Variants in LRRIQ3 observed in about 807,000 individuals in gnomAD.
LRRIQ3 encodes leucine-rich repeat and IQ domain-containing protein 3.
A neutral mutation model predicts 59.3 loss-of-function variants in LRRIQ3; 75 were observed. The observed-to-expected ratio is 1.26, with a 90% CI of 1.05 to 1.53. LRRIQ3 has a LOEUF of 1.53. LRRIQ3 is among the 40% of genes most tolerant of loss of function. The pLI is 0.00. For synonymous variants in LRRIQ3, 250 were observed against 231.3 expected, an observed-to-expected ratio of 1.08 and a Z score of -0.73; for missense variants, 831 against 710.0, an observed-to-expected ratio of 1.17 and a Z score of -1.94.
intron 1 of LRRIQ3, among the ~76,000 whole-genome samples, chr1:74,191,359 G>A (rs1462008389): frequency 6.6e-6 from 1 of 152,128 alleles, no homozygotes; most frequent in Non-Finnish European, 1.5e-5. Flanking sequence ...AAGAAAGAGT[G>A]TTGGGAAAGG....
At chr1:74,097,742 G>C (rs1287882424) in intron 5 of LRRIQ3, among the ~76,000 whole-genome samples, 1 of 152,134 alleles carries the variant, frequency 6.6e-6, no homozygotes, top group Non-Finnish European at 1.5e-5. Context: ...GAGAGTAGGG[G>C]CCAATATTCA....
At chr1:74,045,807 T>C (rs1408619278) in intron 6 of LRRIQ3, among the ~76,000 whole-genome samples, 1 of 152,050 alleles carries the variant, frequency 6.6e-6, no homozygotes, top group African/African-American at 2.4e-5. Flanking sequence ...AGTACTCCTA[T>C]ATACCAATAA....
At chr1:74,156,145 G>C (rs1329099439) in intron 3 of LRRIQ3, among the ~76,000 whole-genome samples, 1 of 152,056 alleles carries the variant, frequency 6.6e-6, no homozygotes, top group African/African-American at 2.4e-5. Flanking sequence ...TTGATGATGA[G>C]TGAACTTCTT....
At chr1:74,060,230 C>G (rs1419980800) in intron 6 of LRRIQ3, among the ~76,000 whole-genome samples, 19 of 145,982 alleles carry the variant, frequency 1.3e-4, no homozygotes, top group African/African-American at 4.4e-4. Context: ...TGTTCTTCTT[C>G]TTCTTCTTCT....
rs781415916 is a variant in LRRIQ3 at position 74,183,698 on chromosome 1, G to T, written c.1-14C>A. ...TCCATGAAACATCTAGGAAAGATAA[G>T]AAAGTGCTTTGATTTTTTTTTCCAC... On this transcript the variant is annotated splice_polypyrimidine_tract_variant and intron_variant, in intron 1 of 7. Coordinates refer to ENST00000354431, the MANE Select transcript of LRRIQ3 (RefSeq NM_001105659.2). The T allele has an allele frequency of 7.0e-7, 1 of 1,433,312 alleles. No homozygotes were observed. The highest frequency in any genetic ancestry group is 9.2e-7 in the Non-Finnish European group (1 of 1,086,064). The allele number at this position is 1,433,312 out of a possible 1,614,324, so 88.8% of individuals were successfully genotyped here.
At chr1:74,038,541 C>G (rs927591811) in intron 7 of LRRIQ3, among the ~76,000 whole-genome samples, 1 of 152,140 alleles carries the variant, frequency 6.6e-6, no homozygotes, top group African/African-American at 2.4e-5. Context: ...GTCAGACACC[C>G]TATACATGAG....
chr1:74,118,253 T>C (rs1646804022), intron 4 of LRRIQ3, among the ~76,000 whole-genome samples: 1 of 152,122 alleles, frequency 6.6e-6, no homozygotes, highest in Non-Finnish European at 1.5e-5. Context: ...TACCCATACA[T>C]TTGGTTCCAC....
intron 3 of LRRIQ3, chr1:74,181,908 T>C (rs1385600952): frequency 5.9e-5 from 9 of 151,812 alleles, no homozygotes. Flanking sequence ...CTTTAGAACA[T>C]ATTACAAACA....
intron 3 of LRRIQ3, among the ~76,000 whole-genome samples, chr1:74,169,204 T>C (rs1291716651): frequency 6.6e-6 from 1 of 152,180 alleles, no homozygotes; most frequent in Non-Finnish European, 1.5e-5. Context: ...CTGTTTCACC[T>C]TGCAGAGTAT....
At chr1:74,092,367 G>T (rs1646404177) in intron 5 of LRRIQ3, among the ~76,000 whole-genome samples, 1 of 152,016 alleles carries the variant, frequency 6.6e-6, no homozygotes, top group Non-Finnish European at 1.5e-5. Flanking sequence ...TAAACTGATA[G>T]CAATATGGTA....
intron 3 of LRRIQ3, among the ~76,000 whole-genome samples, chr1:74,176,009 T>C (rs1010332863): frequency 2.6e-5 from 4 of 152,202 alleles, no homozygotes; most frequent in Non-Finnish European, 5.9e-5. Flanking sequence ...TTTATAATAC[T>C]CAAGAGAAAG....
intron 5 of LRRIQ3, chr1:74,083,484 A>G (rs1646294490): frequency 6.6e-6 from 1 of 151,680 alleles, no homozygotes; most frequent in Non-Finnish European, 1.5e-5. Context: ...GCCTTAATAT[A>G]AAGAAATGCC....
chr1:74,055,185 T>C (rs1654492363), intron 6 of LRRIQ3, among the ~76,000 whole-genome samples: 3 of 5,454 alleles, frequency 5.5e-4, no homozygotes, highest in Non-Finnish European at 1.9e-3. Flanking sequence ...ACACTTTATA[T>C]ATATATATAT....
chr1:74,096,922 G>A (rs1646457002), intron 5 of LRRIQ3, among the ~76,000 whole-genome samples: 1 of 152,124 alleles, frequency 6.6e-6, no homozygotes, highest in Non-Finnish European at 1.5e-5. Flanking sequence ...TCGTCTCAGA[G>A]GGGTACCCGG....
At chr1:74,169,930 T>C (rs1468029593) in intron 3 of LRRIQ3, among the ~76,000 whole-genome samples, 1 of 152,188 alleles carries the variant, frequency 6.6e-6, no homozygotes, top group African/African-American at 2.4e-5. Context: ...TGTTATCTTT[T>C]CATATATCTT....
chr1:74,178,752 T>C (rs1316503851), intron 3 of LRRIQ3, among the ~76,000 whole-genome samples: 1 of 152,174 alleles, frequency 6.6e-6, no homozygotes, highest in African/African-American at 2.4e-5. Flanking sequence ...GTGGTAGTCA[T>C]GTGAGGCAGT....
In LRRIQ3 at chr1:74,026,887, G is replaced by A; in HGVS notation, c.1801C>T (p.Gln601Ter). The change falls in exon 8 of 8, where the codon CAA (glutamine) becomes TAA (stop). Residue 601 changes from glutamine (Q) to a stop codon, truncating the protein, a stop_gained. Transcript: ENST00000354431. LOFTEE classifies it low-confidence loss of function (END_TRUNC). ...IAFEKACERL[Q>*]DAKTKVAIVK... Reference sequence around the variant, plus strand: ...ATTGCTACTTTTGTTTTAGCATCTTGAAGTCTTTCACAGGCTTTTTCAAAG... The same window carrying A: ...ATTGCTACTTTTGTTTTAGCATCTTAAAGTCTTTCACAGGCTTTTTCAAAG... 1 of 1,606,996 alleles carries A rather than the reference G, an allele frequency of 6.2e-7. No individual in the cohort carries two copies. Among genetic ancestry groups the A allele is most frequent in the Non-Finnish European group, 8.5e-7 (1 of 1,176,158 alleles).
At chr1:74,156,163 T>C (rs1286431560) in intron 3 of LRRIQ3, among the ~76,000 whole-genome samples, 2 of 152,098 alleles carry the variant, frequency 1.3e-5, no homozygotes, top group African/African-American at 2.4e-5. Context: ...CTTGCTCATA[T>C]AGTTCACATG....
At chr1:74,157,265 C>A (rs1436628671) in intron 3 of LRRIQ3, among the ~76,000 whole-genome samples, 1 of 152,040 alleles carries the variant, frequency 6.6e-6, no homozygotes, top group African/African-American at 2.4e-5. Context: ...TAACTCCCCT[C>A]CATTCTCTGT....
Sources: gnomAD v4.1 joint callset for allele counts (sites outside exome capture counted in the v4.1 genomes callset) on GRCh38, gnomAD v4.1.1 for gene constraint, MANE v1.5 for transcripts, NCBI Gene and HGNC (gene_info 2026-07-23, HGNC 2026-07-21) for gene names.